The following PTPRN2 variants were observed in gnomAD, a reference collection of about 807,000 sequenced individuals.
The protein encoded by PTPRN2 is receptor-type tyrosine-protein phosphatase N2.
A neutral mutation model predicts 118.8 loss-of-function variants in PTPRN2; 74 were observed. That is an observed-to-expected ratio of 0.62 (90% confidence interval 0.52 to 0.76). The LOEUF (loss-of-function observed/expected upper bound fraction) is 0.76. PTPRN2 is among the 30% of genes least tolerant of loss of function. The pLI is 0.00. For missense variants in PTPRN2, 1,481 were observed against 1,394.4 expected (o/e 1.06, Z -0.99); for synonymous variants, 641 against 608.0 (o/e 1.05, Z -0.80).
At chr7:157,707,893 G>C (rs1185600032) in intron 12 of PTPRN2, among the ~76,000 whole-genome samples, 1 of 152,228 alleles carries the variant, frequency 6.6e-6, no homozygotes, top group African/African-American at 2.4e-5. Flanking sequence ...CCAGCCAGAG[G>C]AAGATTTCTT....
At position 158,509,769 on chromosome 7, in the gene PTPRN2, G is replaced by A. The variant is rs1330499178; in HGVS notation, c.113-19984C>T. 1.3e-5 allele frequency among the ~76,000 whole-genome samples: 2 copies of A among 152,232 alleles called. No individual in the cohort carries two copies. The highest frequency in any genetic ancestry group is 2.9e-5 in the Non-Finnish European group (2 of 68,042). On this transcript the variant is annotated intron_variant, in intron 1 of 22. Coordinates refer to ENST00000389418, the MANE Select transcript of PTPRN2 (RefSeq NM_002847.5). This position sits in a 1 kb window ranked among gnomAD's most constrained non-coding sequence, Gnocchi z 4.4. ...CCAGGCCTGAGGCCACACGGGCAGA[G>A]TGGCAGTGGAGGGCTGGCATGCACA...
chr7:158,512,824 C>G lies in PTPRN2; in HGVS notation c.113-23039G>C, dbSNP rs527473651. Among the ~76,000 whole-genome samples the G allele has an allele frequency of 4.6e-5, 7 of 152,334 alleles. No homozygotes were observed. The East Asian group carries it at 1.3e-3, about 29-fold the overall frequency. On this transcript the variant is annotated intron_variant, in intron 1 of 22. Transcript: ENST00000389418. ...ATAAAGATGGACGTATTCAAAGGGACAGTTTGTGTGAGGCCACGGAACGGG... is the reference window on the plus strand; with the variant it reads ...ATAAAGATGGACGTATTCAAAGGGAGAGTTTGTGTGAGGCCACGGAACGGG...
rs1563265300 is a variant in PTPRN2 at position 157,615,449 on chromosome 7, G to T, written c.2344+5913C>A. Reference sequence around the variant, plus strand: ...TTCGAGGATGAAAAGGAGGTGTTTAGCCCCGAGCCTCACGTGGAAACATCT... The same window carrying T: ...TTCGAGGATGAAAAGGAGGTGTTTATCCCCGAGCCTCACGTGGAAACATCT... On this transcript the variant is annotated intron_variant, in intron 15 of 22. Transcript: ENST00000389418. This position sits in a 1 kb window ranked among gnomAD's most constrained non-coding sequence, Gnocchi z 4.3. The T allele has an allele frequency of 2.1e-6, 1 of 471,182 alleles. No homozygotes were observed. The highest frequency in any genetic ancestry group is 2.3e-5 in the Admixed American group (1 of 42,586). 29.2% of individuals were successfully genotyped at this position (471,182 alleles called of 1,614,324 possible).
At chr7:157,822,611 C>T (rs1343533023) in intron 12 of PTPRN2, among the ~76,000 whole-genome samples, 2 of 152,040 alleles carry the variant, frequency 1.3e-5, no homozygotes, top group East Asian at 3.9e-4. Flanking sequence ...CATCCACTAT[C>T]CATCATCCAT....
chr7:157,683,040 C>T, intron 12 of PTPRN2, 103 bp from the exon 13 acceptor site: 3 of 1,047,766 alleles, frequency 2.9e-6, no homozygotes, highest in Admixed American at 2.0e-5. Flanking sequence ...CTCAGCCCCA[C>T]AGGACGCTGT....
In PTPRN2 at chr7:158,570,940, G is replaced by A. The variant is rs763636152; in HGVS notation, c.112+16618C>T. Among the ~76,000 whole-genome samples, 5 of 152,242 alleles carry A rather than the reference G, an allele frequency of 3.3e-5. No individual in the cohort carries two copies. Among genetic ancestry groups the A allele is most frequent in the Non-Finnish European group, 4.4e-5 (3 of 68,048 alleles). On this transcript the variant is annotated intron_variant, in intron 1 of 22. Coordinates refer to ENST00000389418, the MANE Select transcript of PTPRN2 (RefSeq NM_002847.5). The surrounding 1 kb of genome is among the most constrained non-coding windows in gnomAD (Gnocchi z 4.5). ...CAGAAGCCCACCCCTGCAGAGCAAA[G>A]CCCGGGTCCCGGATGGCAAAGCCAT...
At chr7:158,473,068 G>A (rs929606197) in intron 2 of PTPRN2, among the ~76,000 whole-genome samples, 3 of 152,020 alleles carry the variant, frequency 2.0e-5, no homozygotes, top group Non-Finnish European at 2.9e-5. Flanking sequence ...CGTTTGGTTC[G>A]ATATTTCTGC....
intron 11 of PTPRN2, among the ~76,000 whole-genome samples, chr7:157,938,077 G>A (rs1160164137): frequency 1.3e-5 from 2 of 152,226 alleles, no homozygotes; most frequent in African/African-American, 4.8e-5. Flanking sequence ...AACCCCGGCT[G>A]TTCAAAGCTA....
rs1182247035 is a variant in PTPRN2, at chr7:158,297,152, C to CA, written c.277+19666dup. Among the ~76,000 whole-genome samples, 5 of 152,376 alleles carry CA rather than the reference C, an allele frequency of 3.3e-5. No individual in the cohort carries two copies. In the East Asian group the frequency reaches 9.6e-4, roughly 29 times the overall value. Reference sequence around the variant, plus strand: ...CGGAGGGACCAGCACAGCACATATACAGCTTCTGCCAATGGCTGGGCATAA... The same window carrying CA: ...CGGAGGGACCAGCACAGCACATATACAAGCTTCTGCCAATGGCTGGGCATAA... On this transcript the variant is annotated intron_variant, in intron 3 of 22. Transcript: ENST00000389418.
At position 158,138,496 on chromosome 7, in the gene PTPRN2, G is replaced by A. The variant is rs569193564; in HGVS notation, c.930C>T (p.Leu310=). The change falls in exon 7 of 23, where the codon CTC becomes CTT. Residue 310 remains leucine (L), a synonymous_variant. Transcript: ENST00000389418. ...STGDGARIHT[L]LKDLQRQPAE... is the part of the protein sequence containing the mutation. ...CCGGCTGCCTCTGCAGGTCCTTCAG[G>A]AGGGTATGAATCCGTGCTCCTAGGG... 1.2e-6 allele frequency: 2 copies of A among 1,612,324 alleles called. No homozygotes were observed. The highest frequency in any genetic ancestry group is 1.7e-5 in the Admixed American group (1 of 60,026).
At chr7:157,686,549 T>C (rs1480457876) in intron 12 of PTPRN2, among the ~76,000 whole-genome samples, 1 of 152,142 alleles carries the variant, frequency 6.6e-6, no homozygotes, top group African/African-American at 2.4e-5. Flanking sequence ...ATCTCCCCCA[T>C]GGGCACCGAC....
At chr7:157,918,052 A>G (rs1015733019) in intron 11 of PTPRN2, among the ~76,000 whole-genome samples, 4 of 152,178 alleles carry the variant, frequency 2.6e-5, no homozygotes, top group African/African-American at 7.2e-5. Flanking sequence ...ACCTACCCCT[A>G]AAAGATTCTT....
intron 4 of PTPRN2, among the ~76,000 whole-genome samples, chr7:158,204,166 G>A (rs984604315): frequency 2.0e-5 from 3 of 151,032 alleles, no homozygotes; most frequent in Non-Finnish European, 4.4e-5. Flanking sequence ...GGCGTTCTGG[G>A]GAAAGAAGCA....
chr7:158,228,090 T>C (rs552202772), intron 3 of PTPRN2, among the ~76,000 whole-genome samples: 1 of 152,230 alleles, frequency 6.6e-6, no homozygotes, highest in Non-Finnish European at 1.5e-5. Context: ...TTGTTGGTGA[T>C]ATTTTATGTC....
At chr7:157,665,606 T>C (rs910685276) in intron 13 of PTPRN2, among the ~76,000 whole-genome samples, 4 of 151,486 alleles carry the variant, frequency 2.6e-5, no homozygotes, top group South Asian at 2.1e-4. Context: ...TCATACTCTT[T>C]AGCAGCGAAG....
At chr7:158,242,563 G>A (rs1795962634) in intron 3 of PTPRN2, among the ~76,000 whole-genome samples, 1 of 152,212 alleles carries the variant, frequency 6.6e-6, no homozygotes, top group South Asian at 2.1e-4. Flanking sequence ...CTGTTTGGAA[G>A]TGTTTCCTCC....
chr7:158,131,514 C>A (rs1225487474), intron 9 of PTPRN2, among the ~76,000 whole-genome samples: 1 of 151,080 alleles, frequency 6.6e-6, no homozygotes, highest in Non-Finnish European at 1.5e-5. Context: ...ACACATCTAC[C>A]CGACACACAC....
chr7:158,073,945 C>T (rs1812146681), intron 11 of PTPRN2, among the ~76,000 whole-genome samples: 1 of 152,198 alleles, frequency 6.6e-6, no homozygotes, highest in Non-Finnish European at 1.5e-5. Flanking sequence ...AGACGCGGCT[C>T]CCCTGGGACT....
At chr7:157,851,950 T>C (rs950465730) in intron 12 of PTPRN2, among the ~76,000 whole-genome samples, 1 of 152,210 alleles carries the variant, frequency 6.6e-6, no homozygotes, top group African/African-American at 2.4e-5. Context: ...CAACACCCGT[T>C]TTCCTAAAGA....
Sources: allele counts gnomAD v4.1 joint callset (sites outside exome capture counted in the v4.1 genomes callset), GRCh38; gene constraint gnomAD v4.1.1; non-coding constraint Gnocchi (gnomAD v3.1); transcripts MANE v1.5; gene names NCBI Gene and HGNC (gene_info 2026-07-23, HGNC 2026-07-21).